The following SH2B1 variants were observed in gnomAD, a reference collection of about 807,000 sequenced individuals.
SH2B1 encodes the protein SH2B adaptor protein 1.
A neutral mutation model predicts 62.6 loss-of-function variants in SH2B1; 15 were observed. That is an observed-to-expected ratio of 0.24 (90% CI 0.16 to 0.37). SH2B1 has a LOEUF of 0.37. SH2B1 is among the 10% of genes least tolerant of loss of function. The probability of loss-of-function intolerance (pLI) is 1.00; values close to 1 mark genes in which losing one functional copy is unlikely to be tolerated. For synonymous variants in SH2B1, 443 were observed against 438.0 expected (o/e 1.01, Z -0.14); for missense variants, 925 against 1,015.6 (o/e 0.91, Z 1.21).
Position 28,873,388 on chromosome 16 carries a change from C to T in SH2B1, c.1898-59C>T. Reference sequence around the variant, plus strand: ...CCTGGGGGGCTGAGTGAAGGGGAGGCCACGGCAGGAGCTCACCTGCCTCCA... The same window carrying T: ...CCTGGGGGGCTGAGTGAAGGGGAGGTCACGGCAGGAGCTCACCTGCCTCCA... On this transcript the variant is annotated intron_variant, in intron 7 of 7. Transcript: ENST00000684370. The surrounding 1 kb of genome is among the most constrained non-coding windows in gnomAD (Gnocchi z 4.2). 2 of 1,580,662 alleles carry T rather than the reference C, an allele frequency of 1.3e-6. No individual in the cohort carries two copies. The highest frequency in any genetic ancestry group is 1.7e-6 in the Non-Finnish European group (2 of 1,172,778).
chr16:28,863,815 C>A, upstream of SH2B1: 1 of 1,535,002 alleles, frequency 6.5e-7, no homozygotes, highest in South Asian at 1.2e-5. Flanking sequence ...CCTTCAGCGA[C>A]GGGAAAGGGG....
chr16:28,866,361 A>T lies in SH2B1; in HGVS notation c.267A>T (p.Pro89=). The T allele has an allele frequency of 6.2e-7, 1 of 1,613,156 alleles. No individual in the cohort carries two copies. Residue 89 remains proline, a synonymous_variant, in exon 1 of 8, where the codon CCA becomes CCT. Coordinates refer to ENST00000684370, the MANE Select transcript of SH2B1 (RefSeq NM_001387430.1). The surrounding 1 kb of genome is among the most constrained non-coding windows in gnomAD (Gnocchi z 6.3). ...CCCGGGCCTCTGGCTCCCTGTCGCC[A>T]CCCATCCTGGCTCCCCTGAGCCCTG... ...EVARASGSLS[P]PILAPLSPGA...
At chr16:28,852,757 TG>T (rs1165832519) in intron 1 of SH2B1, among the ~76,000 whole-genome samples, 594 of 33,124 alleles carry the variant, frequency 0.018, 91 homozygotes, top group East Asian at 0.14. Flanking sequence ...TACATATATA[TG>T]TATATATATA....
intron 1 of SH2B1, among the ~76,000 whole-genome samples, chr16:28,853,282 C>T (rs1962249577): frequency 6.8e-6 from 1 of 147,634 alleles, no homozygotes; most frequent in African/African-American, 2.5e-5. Context: ...GCACTGCAAC[C>T]TGCAACCTCT....
At chr16:28,850,946 A>C (rs1421254067) in intron 1 of SH2B1, among the ~76,000 whole-genome samples, 1 of 151,412 alleles carries the variant, frequency 6.6e-6, no homozygotes, top group African/African-American at 2.4e-5. Flanking sequence ...AGGCCAAGGC[A>C]GGTGGGTCAC....
chr16:28,866,869 G>A lies in SH2B1; in HGVS notation c.775G>A (p.Glu259Lys), dbSNP rs750491797. ...AGAGCTGCTGAGTTTCATGGGGGCT[G>A]AGGAGGCAGCCCCTGACCCAGCCGG... Reference protein sequence around the residue: ...REELLSFMGAEEAAPDPAGVG... With the variant: ...REELLSFMGAKEAAPDPAGVG... The change falls in exon 1 of 8, where the codon GAG (glutamate) becomes AAG (lysine). Residue 259 changes from glutamate to lysine, a missense_variant. This residue lies in a region of SH2B1 where 683 missense variants were observed against 704.0 expected (regional missense o/e 0.97). Coordinates refer to ENST00000684370, the MANE Select transcript of SH2B1 (RefSeq NM_001387430.1). This position sits in a 1 kb window ranked among gnomAD's most constrained non-coding sequence, Gnocchi z 6.3. The A allele has an allele frequency of 3.1e-6, 5 of 1,610,366 alleles. No individual in the cohort carries two copies. Among genetic ancestry groups the A allele is most frequent in the Non-Finnish European group, 3.4e-6 (4 of 1,178,364 alleles).
intron 1 of SH2B1, among the ~76,000 whole-genome samples, chr16:28,855,647 A>ATTTT (rs370910681): frequency 0.27 from 38,348 of 144,578 alleles, 6,298 homozygotes; most frequent in Non-Finnish European, 0.35. Context: ...TTATTTATTT[A>ATTTT]TTTTTTTTTT....
rs1359462139 is a variant in SH2B1, at chr16:28,863,945, G to A, written c.-2150G>A. ...AGCTAACCTCGGGGACCGAGATGCA[G>A]GTGGGACCGGAACCGGAACCCCCCT... On this transcript the variant is annotated 5_prime_UTR_variant, in exon 1 of 8. Coordinates refer to ENST00000684370, the MANE Select transcript of SH2B1 (RefSeq NM_001387430.1). 6.8e-7 allele frequency: 1 copy of A among 1,465,378 alleles called. No individual in the cohort carries two copies. The highest frequency in any genetic ancestry group is 9.0e-7 in the Non-Finnish European group (1 of 1,116,452). 90.8% of individuals were successfully genotyped at this position (1,465,378 alleles called of 1,614,324 possible).
At chr16:28,852,772 A>ACATATATATT (rs1596610866) in intron 1 of SH2B1, among the ~76,000 whole-genome samples, 4 of 72,022 alleles carry the variant, frequency 5.6e-5, no homozygotes, top group African/African-American at 1.6e-4. Context: ...ATATATATTT[A>ACATATATATT]TATATATATT....
Position 28,871,786 on chromosome 16 carries a change from A to G in SH2B1, c.1316A>G (p.Tyr439Cys), listed in dbSNP as rs1963053079. Residue 439 changes from tyrosine to cysteine, a missense_variant, in exon 5 of 8, where the codon TAT becomes TGT. Coordinates refer to ENST00000684370, the MANE Select transcript of SH2B1 (RefSeq NM_001387430.1). The part of the protein sequence containing the change: ...ESNDRLSQGA[Y>C]GGLSDRPSAS... ...TTGCCCTTTTTTTTTCCAGGGGCATATGGGGGCCTCTCAGACCGCCCCTCG... is the reference window on the plus strand; with the variant it reads ...TTGCCCTTTTTTTTTCCAGGGGCATGTGGGGGCCTCTCAGACCGCCCCTCG... 1 of 1,613,698 alleles carries G rather than the reference A, an allele frequency of 6.2e-7. No individual in the cohort carries two copies. Among genetic ancestry groups the G allele is most frequent in the South Asian group, 1.1e-5 (1 of 91,052 alleles).
intron 1 of SH2B1, among the ~76,000 whole-genome samples, chr16:28,852,930 A>ATATATATGTACATATATATT (rs1962209533): frequency 2.1e-5 from 1 of 47,972 alleles, no homozygotes; most frequent in Non-Finnish European, 4.2e-5. Context: ...ATATATTTTT[A>ATATATATGTACATATATATT]TATATATGTA....
At chr16:28,863,786 C>G (rs1038827310), upstream of SH2B1, 12 of 1,535,530 alleles carry the variant, frequency 7.8e-6, no homozygotes, top group African/African-American at 2.7e-5. Flanking sequence ...CCTCCCGCCG[C>G]TGTTCTCTAT....
intron 1 of SH2B1, among the ~76,000 whole-genome samples, chr16:28,852,344 ATATATATTTATATATATATT>A (rs1472727846): frequency 2.3e-4 from 9 of 38,494 alleles, no homozygotes; most frequent in African/African-American, 7.0e-4. Context: ...ATATATTTAC[ATATATATTTATATATATATT>A]TATATATATT....
chr16:28,872,687 TCCTC>T lies in SH2B1; in HGVS notation c.1882_1885del (p.Gln629AspfsTer79). Reference sequence around the variant, plus strand: ...TGTTGTCCTTGTCAGCTATGTCCCATCCTCCCAGCGACAGCAGGGTGAGCAGAGC... The same window carrying T: ...TGTTGTCCTTGTCAGCTATGTCCCATCCAGCGACAGCAGGGTGAGCAGAGC... On this transcript the variant is annotated frameshift_variant, in exon 7 of 8. Coordinates refer to ENST00000684370, the MANE Select transcript of SH2B1 (RefSeq NM_001387430.1). LOFTEE classifies it high-confidence loss of function. The surrounding 1 kb of genome is among the most constrained non-coding windows in gnomAD (Gnocchi z 5.3). 6.2e-7 allele frequency: 1 copy of T among 1,614,012 alleles called. No homozygotes were observed. The highest frequency in any genetic ancestry group is 1.1e-5 in the South Asian group (1 of 91,074).
rs372614487 is a variant in SH2B1 at position 28,872,808 on chromosome 16, A to T, written c.1897+103A>T. 1.6e-5 allele frequency: 24 copies of T among 1,472,930 alleles called. No homozygotes were observed. In the East Asian group the frequency reaches 1.7e-4, roughly 10 times the overall value. The allele number at this position is 1,472,930 out of a possible 1,614,324, so 91.2% of individuals were successfully genotyped here. ...GGGGAGGGGGGACTATCACAAGGAG[A>T]AGCTTTGCTTGGGAGAGCAGGGTAG... On this transcript the variant is annotated intron_variant, in intron 7 of 7. Coordinates refer to ENST00000684370, the MANE Select transcript of SH2B1 (RefSeq NM_001387430.1). The surrounding 1 kb of genome is among the most constrained non-coding windows in gnomAD (Gnocchi z 5.3).
At position 28,852,758 on chromosome 16, in the gene SH2B1, GTATATA is replaced by G. The variant is rs371764727; in HGVS notation, c.-301+5937_-301+5942del. On this transcript the variant is annotated intron_variant, in intron 1 of 10. Coordinates refer to the SH2B1 transcript ENST00000322610. ...TACATATATATATTTACATATATATGTATATATATATTTATATATATATTTACATAT... is the reference window on the plus strand; with the variant it reads ...TACATATATATATTTACATATATATGTATATTTATATATATATTTACATAT... 8.1e-4 allele frequency among the ~76,000 whole-genome samples: 31 copies of G among 38,114 alleles called. 2 individuals carry two copies. The East Asian group carries it at 0.013, about 16-fold the overall frequency. 25.0% of individuals were successfully genotyped at this position (38,114 alleles called of 152,430 possible). A position where few individuals can be genotyped will look rare whatever the true frequency, so the allele number is the denominator to read the frequency against.
intron 1 of SH2B1, among the ~76,000 whole-genome samples, chr16:28,854,067 G>A (rs1252255146): frequency 6.9e-6 from 1 of 143,940 alleles, no homozygotes; most frequent in Non-Finnish European, 1.5e-5. Flanking sequence ...AAGGTAGGAA[G>A]ATAGCTTGAG....
intron 1 of SH2B1, among the ~76,000 whole-genome samples, chr16:28,856,505 G>A (rs1962327378): frequency 1.3e-5 from 2 of 152,068 alleles, no homozygotes; most frequent in South Asian, 4.1e-4. Context: ...ATTGGGGGTG[G>A]AGGTTAAATC....
At chr16:28,852,348 ATATT>A (rs1367368616) in intron 1 of SH2B1, among the ~76,000 whole-genome samples, 1 of 82,416 alleles carries the variant, frequency 1.2e-5, no homozygotes, top group Non-Finnish European at 2.1e-5. Context: ...ATTTACATAT[ATATT>A]TATATATATA....
Sources: allele counts gnomAD v4.1 joint callset (sites outside exome capture counted in the v4.1 genomes callset), GRCh38; gene constraint gnomAD v4.1.1; regional missense constraint gnomAD v4.1.1; non-coding constraint Gnocchi (gnomAD v3.1); transcripts MANE v1.5; gene names NCBI Gene and HGNC (gene_info 2026-07-23, HGNC 2026-07-21).